The following STK3 variants were observed in gnomAD, a reference collection of about 807,000 sequenced individuals.
STK3 encodes the protein serine/threonine kinase 3, also known as serine/threonine-protein kinase 3.
A neutral mutation model predicts 58.0 loss-of-function variants in STK3; 41 were observed. That is an observed-to-expected ratio of 0.71 (90% CI 0.55 to 0.92). The LOEUF (loss-of-function observed/expected upper bound fraction) is 0.92. Ranked by LOEUF, STK3 falls within the 40% of genes least tolerant of loss-of-function variation. STK3 has a pLI of 0.00. For missense variants in STK3, 479 were observed against 602.7 expected (o/e 0.79, Z 2.15); for synonymous variants, 170 against 191.0 (o/e 0.89, Z 0.91).
intron 6 of STK3, among the ~76,000 whole-genome samples, chr8:98,673,923 G>A (rs1823011812): frequency 6.6e-6 from 1 of 152,126 alleles, no homozygotes; most frequent in South Asian, 2.1e-4. Flanking sequence ...AGAATACTAT[G>A]CTACATTCCA....
At chr8:98,598,253 TA>T in intron 6 of STK3, 1 of 985,444 alleles carries the variant, frequency 1.0e-6, no homozygotes. Context: ...TATCTTGAGA[TA>T]ATCTTAACAT....
intron 1 of STK3, among the ~76,000 whole-genome samples, chr8:98,448,203 A>G (rs531447870): frequency 6.6e-6 from 1 of 152,208 alleles, no homozygotes; most frequent in South Asian, 2.1e-4. Context: ...ATAATTTTTA[A>G]AGATGACATG....
chr8:98,455,022 G>C lies in STK3; in HGVS notation c.*820C>G, dbSNP rs1318094480. 6.6e-6 allele frequency: 1 copy of C among 152,460 alleles called. No individual in the cohort carries two copies. Among genetic ancestry groups the C allele is most frequent in the East Asian group, 1.9e-4 (1 of 5,200 alleles). The allele number at this position is 152,460 out of a possible 1,614,324, so 9.4% of individuals were successfully genotyped here. On this transcript the variant is annotated 3_prime_UTR_variant, in exon 11 of 11. Coordinates refer to ENST00000419617, the MANE Select transcript of STK3 (RefSeq NM_006281.4). The stretch of plus-strand genomic sequence containing the variant: ...GCTATTAGATCTACACATAAAACAT[G>C]AAACAATATTAACAAATTACATTTG...
At chr8:98,697,629 C>T (rs1414699483) in intron 6 of STK3, among the ~76,000 whole-genome samples, 1 of 152,140 alleles carries the variant, frequency 6.6e-6, no homozygotes, top group Non-Finnish European at 1.5e-5. Context: ...AGTAGTCATT[C>T]AGGAGCAGGT....
chr8:98,451,185 C>T (rs1354453243), downstream of STK3, among the ~76,000 whole-genome samples: 1 of 152,040 alleles, frequency 6.6e-6, no homozygotes, highest in Non-Finnish European at 1.5e-5. Flanking sequence ...TGATTAATGA[C>T]AATTTTTTTT....
At chr8:98,744,806 T>C (rs1447695208) in intron 4 of STK3, among the ~76,000 whole-genome samples, 1 of 151,406 alleles carries the variant, frequency 6.6e-6, no homozygotes, top group East Asian at 1.9e-4. Flanking sequence ...AGACCAAATA[T>C]AGAGACAAAT....
chr8:98,618,979 G>A (rs1241195926), intron 6 of STK3, among the ~76,000 whole-genome samples: 19 of 149,620 alleles, frequency 1.3e-4, no homozygotes, highest in East Asian at 2.0e-4. Flanking sequence ...AAGTTCATAC[G>A]GAACCAAAAA....
intron 3 of STK3, chr8:98,413,065 G>A (rs904807620): frequency 2.9e-5 from 7 of 241,958 alleles, no homozygotes; most frequent in Admixed American, 5.4e-5. Flanking sequence ...CCAGGTTGGA[G>A]TGCAGTGGCG....
At chr8:98,564,632 C>T (rs927975488) in intron 8 of STK3, among the ~76,000 whole-genome samples, 1 of 151,976 alleles carries the variant, frequency 6.6e-6, no homozygotes, top group African/African-American at 2.4e-5. Context: ...ATGTTCTTAC[C>T]ACAAAGAAAT....
chr8:98,707,605 A>G (rs909816898), intron 4 of STK3, among the ~76,000 whole-genome samples: 21 of 151,850 alleles, frequency 1.4e-4, no homozygotes, highest in African/African-American at 4.4e-4. Flanking sequence ...GGATCTCGCT[A>G]TGTTGCCCGG....
At chr8:98,870,317 C>G (rs1482849130) in intron 3 of STK3, among the ~76,000 whole-genome samples, 1 of 152,194 alleles carries the variant, frequency 6.6e-6, no homozygotes, top group Non-Finnish European at 1.5e-5. Context: ...GTGCATGTGT[C>G]TTTATAGCAG....
chr8:98,649,123 C>T (rs984772846), intron 6 of STK3, among the ~76,000 whole-genome samples: 4 of 151,592 alleles, frequency 2.6e-5, no homozygotes, highest in African/African-American at 7.3e-5. Context: ...AATCATCTTC[C>T]TATGTGTCAT....
At chr8:98,770,324 A>G (rs1241595525) in intron 2 of STK3, among the ~76,000 whole-genome samples, 1 of 152,218 alleles carries the variant, frequency 6.6e-6, no homozygotes, top group Non-Finnish European at 1.5e-5. Context: ...ATTTAACCCA[A>G]GCAGCTACTA....
At position 98,581,484 on chromosome 8, in the gene STK3, G is replaced by A. The variant is rs557470317; in HGVS notation, c.823-1695C>T. On this transcript the variant is annotated intron_variant, in intron 7 of 10. Coordinates refer to ENST00000419617, the MANE Select transcript of STK3 (RefSeq NM_006281.4). Reference sequence around the variant, plus strand: ...TAGCATGACAGCCTTCTCTGACACCGCCTGAGAAGGACTGGACAGCCTCAA... The same window carrying A: ...TAGCATGACAGCCTTCTCTGACACCACCTGAGAAGGACTGGACAGCCTCAA... Among the ~76,000 whole-genome samples, 52 of 151,954 alleles carry A rather than the reference G, an allele frequency of 3.4e-4. 1 individual carries two copies. In the South Asian group the frequency reaches 8.9e-3, roughly 26 times the overall value.
At chr8:98,460,287 G>A (rs1819848402) in intron 10 of STK3, among the ~76,000 whole-genome samples, 1 of 152,158 alleles carries the variant, frequency 6.6e-6, no homozygotes, top group South Asian at 2.1e-4. Context: ...GGGGCCTTTA[G>A]CCCCTTTGTT....
At chr8:98,700,053 G>A (rs1480396414) in intron 6 of STK3, among the ~76,000 whole-genome samples, 1 of 152,218 alleles carries the variant, frequency 6.6e-6, no homozygotes. Flanking sequence ...GTTTACCTAA[G>A]CAAGCTTGGG....
At chr8:98,641,898 T>C (rs1820050937) in intron 6 of STK3, among the ~76,000 whole-genome samples, 4 of 152,202 alleles carry the variant, frequency 2.6e-5, no homozygotes, top group Admixed American at 2.6e-4. Flanking sequence ...TATCTAACTC[T>C]ATGTTGTCTT....
At chr8:98,920,172 AG>A (rs1839502263) in intron 1 of STK3, among the ~76,000 whole-genome samples, 1 of 152,202 alleles carries the variant, frequency 6.6e-6, no homozygotes, top group African/African-American at 2.4e-5. Context: ...TTCAGAGGAG[AG>A]GGACCCACAA....
intron 3 of STK3, among the ~76,000 whole-genome samples, chr8:98,859,512 G>T (rs1243820838): frequency 6.6e-6 from 1 of 152,130 alleles, no homozygotes; most frequent in African/African-American, 2.4e-5. Flanking sequence ...CACTGAGGCT[G>T]CTTTTTAAAG....
Sources: gnomAD v4.1 joint callset for allele counts (sites outside exome capture counted in the v4.1 genomes callset) on GRCh38, gnomAD v4.1.1 for gene constraint, MANE v1.5 for transcripts, NCBI Gene and HGNC (gene_info 2026-07-23, HGNC 2026-07-21) for gene names.